RALYL: variants seen among roughly 807,000 people sequenced by gnomAD.
RALYL encodes RALY RNA binding protein like.
Under a neutral mutation model 35.1 loss-of-function variants are expected in RALYL, and 29 were observed. That is an observed-to-expected ratio of 0.83 (90% CI 0.61 to 1.13). RALYL has a LOEUF of 1.13. RALYL is among the 50% of genes most tolerant of loss of function. The pLI is 0.00. For synonymous variants in RALYL, 120 were observed against 127.6 expected (o/e 0.94, Z 0.40); for missense variants, 359 against 360.4 (o/e 1.00, Z 0.03).
At chr8:84,738,789 A>C (rs1847779492) in intron 2 of RALYL, among the ~76,000 whole-genome samples, 1 of 152,032 alleles carries the variant, frequency 6.6e-6, no homozygotes. Context: ...AAATGCAGTG[A>C]ACATCAATGG....
chr8:84,194,161 A>G (rs1814656763), intron 1 of RALYL, among the ~76,000 whole-genome samples: 1 of 152,210 alleles, frequency 6.6e-6, no homozygotes, highest in Non-Finnish European at 1.5e-5. Context: ...AAAGGAAGAC[A>G]CTGCTGATTT....
rs1838623343 is a variant in RALYL, at chr8:84,290,753, A to G, written c.-24+106329A>G. Among the ~76,000 whole-genome samples, 3 of 152,282 alleles carry G rather than the reference A, an allele frequency of 2.0e-5. No individual in the cohort carries two copies. In the South Asian group the frequency reaches 6.2e-4, roughly 32 times the overall value. On this transcript the variant is annotated intron_variant, in intron 1 of 8. Coordinates refer to ENST00000521268, the MANE Select transcript of RALYL (RefSeq NM_173848.7). ...CTTGGCTTGGGCTCAGAGGCCTGAC[A>G]CTTGTTTACATACTTTGGCCTTTTT...
At chr8:84,540,941 G>C (rs1050307749) in intron 2 of RALYL, among the ~76,000 whole-genome samples, 1 of 151,788 alleles carries the variant, frequency 6.6e-6, no homozygotes, top group Non-Finnish European at 1.5e-5. Flanking sequence ...AAATATATTA[G>C]CATAAGATTA....
At chr8:84,226,390 T>G (rs1279421705) in intron 1 of RALYL, among the ~76,000 whole-genome samples, 1 of 151,956 alleles carries the variant, frequency 6.6e-6, no homozygotes, top group Non-Finnish European at 1.5e-5. Flanking sequence ...GTATTTCTTT[T>G]TTGGTTGTTT....
intron 2 of RALYL, among the ~76,000 whole-genome samples, chr8:84,698,073 G>A (rs552641707): frequency 5.9e-5 from 9 of 152,062 alleles, no homozygotes; most frequent in Non-Finnish European, 1.2e-4. Context: ...ATGAGATAGT[G>A]GTATCATGAA....
At chr8:84,259,235 G>A (rs1002353170) in intron 1 of RALYL, among the ~76,000 whole-genome samples, 5 of 152,096 alleles carry the variant, frequency 3.3e-5, no homozygotes, top group African/African-American at 4.8e-5. Flanking sequence ...GAAATGACCC[G>A]CCTTTACAAT....
chr8:84,628,827 A>T (rs1287776709), intron 2 of RALYL, among the ~76,000 whole-genome samples: 1 of 152,090 alleles, frequency 6.6e-6, no homozygotes, highest in Non-Finnish European at 1.5e-5. Flanking sequence ...TTTGTTTATT[A>T]AAACCAAAAA....
chr8:84,716,999 C>A (rs2132562548), intron 2 of RALYL, among the ~76,000 whole-genome samples: 1 of 152,106 alleles, frequency 6.6e-6, no homozygotes, highest in African/African-American at 2.4e-5. Context: ...CCAGCTTGAC[C>A]AACATGGTAA....
chr8:84,591,404 T>C (rs1813235843), intron 2 of RALYL, among the ~76,000 whole-genome samples: 1 of 152,174 alleles, frequency 6.6e-6, no homozygotes, highest in South Asian at 2.1e-4. Context: ...TCGCTTCGCC[T>C]TGCCACCAGA....
intron 2 of RALYL, among the ~76,000 whole-genome samples, chr8:84,617,159 T>C (rs1819946891): frequency 6.6e-6 from 1 of 150,648 alleles, no homozygotes; most frequent in African/African-American, 2.5e-5. Flanking sequence ...GGGGATGGCA[T>C]TGAATCTATA....
At chr8:84,341,985 G>C (rs748404781) in intron 1 of RALYL, among the ~76,000 whole-genome samples, 8 of 151,618 alleles carry the variant, frequency 5.3e-5, no homozygotes, top group African/African-American at 1.5e-4. Context: ...TAACACAGAG[G>C]ATAGCCCATA....
chr8:84,519,524 C>T (rs2058304740), intron 1 of RALYL, among the ~76,000 whole-genome samples: 1 of 152,122 alleles, frequency 6.6e-6, no homozygotes, highest in African/African-American at 2.4e-5. Context: ...CCAGAGGAAA[C>T]AAAAGAAGTG....
At chr8:84,778,542 A>G (rs1334766895) in intron 3 of RALYL, among the ~76,000 whole-genome samples, 1 of 152,224 alleles carries the variant, frequency 6.6e-6, no homozygotes, top group Non-Finnish European at 1.5e-5. Flanking sequence ...GATTCTGCCT[A>G]GGGAGCAGGG....
chr8:84,399,578 A>G (rs2042686385), intron 1 of RALYL, among the ~76,000 whole-genome samples: 1 of 152,234 alleles, frequency 6.6e-6, no homozygotes, highest in South Asian at 2.1e-4. Context: ...CTGGTTTTTA[A>G]CTCACCACAA....
chr8:84,437,311 G>A (rs993578407), intron 1 of RALYL, among the ~76,000 whole-genome samples: 1 of 152,090 alleles, frequency 6.6e-6, no homozygotes, highest in African/African-American at 2.4e-5. Context: ...CTATCGTGTT[G>A]TGATGAACAC....
chr8:84,257,321 T>G (rs1012009772), intron 1 of RALYL, among the ~76,000 whole-genome samples: 1 of 152,074 alleles, frequency 6.6e-6, no homozygotes, highest in African/African-American at 2.4e-5. Flanking sequence ...TATAGAGCAT[T>G]AGGTCACAGA....
At chr8:84,337,329 G>GT (rs769935600) in intron 1 of RALYL, among the ~76,000 whole-genome samples, 3,251 of 142,142 alleles carry the variant, frequency 0.023, 60 homozygotes, top group African/African-American at 0.053. Context: ...GGAATGAATT[G>GT]TTTTTTTTTT....
intron 1 of RALYL, among the ~76,000 whole-genome samples, chr8:84,342,730 G>T (rs1386305620): frequency 6.6e-6 from 1 of 151,962 alleles, no homozygotes; most frequent in South Asian, 2.1e-4. Context: ...TGTTTCATCA[G>T]ATGGTGCTTT....
At chr8:84,436,544 T>TTG (rs2047739130) in intron 1 of RALYL, among the ~76,000 whole-genome samples, 26 of 19,154 alleles carry the variant, frequency 1.4e-3, no homozygotes, top group African/African-American at 4.1e-3. Flanking sequence ...ATCATGGGAG[T>TTG]TTTTTTTTTT....
Sources: allele counts gnomAD v4.1 joint callset (sites outside exome capture counted in the v4.1 genomes callset), GRCh38; gene constraint gnomAD v4.1.1; transcripts MANE v1.5; gene names NCBI Gene and HGNC (gene_info 2026-07-23, HGNC 2026-07-21).